The following CDC45 variants were observed in gnomAD, a reference collection of about 807,000 sequenced individuals.
The protein encoded by CDC45 is cell division control protein 45 homolog.
Under a neutral mutation model 77.8 loss-of-function variants are expected in CDC45, and 54 were observed. The observed-to-expected ratio is 0.69, with a 90% CI of 0.56 to 0.87. The LOEUF is 0.87. Among genes scored for constraint, CDC45 ranks in the 40% least tolerant of loss-of-function variants. The pLI, the probability that CDC45 is intolerant of heterozygous loss-of-function variation, is 0.00. For synonymous variants in CDC45, 260 were observed against 272.1 expected, an observed-to-expected ratio of 0.96 and a Z score of 0.44; for missense variants, 649 against 721.6, an observed-to-expected ratio of 0.90 and a Z score of 1.15.
intron 5 of CDC45, among the ~76,000 whole-genome samples, chr22:19,493,559 T>G (rs2090190028): frequency 6.6e-6 from 1 of 152,166 alleles, no homozygotes; most frequent in Admixed American, 6.5e-5. Flanking sequence ...GTTTTCCTCC[T>G]CAGCCTCCCA....
chr22:19,510,597 C>T (rs541337265), intron 13 of CDC45, among the ~76,000 whole-genome samples: 5 of 152,168 alleles, frequency 3.3e-5, no homozygotes, highest in South Asian at 2.1e-4. Flanking sequence ...GGCACGCTCT[C>T]GGCTCACTGC....
At chr22:19,499,675 C>T (rs1361831197) in intron 9 of CDC45, among the ~76,000 whole-genome samples, 1 of 152,318 alleles carries the variant, frequency 6.6e-6, no homozygotes, top group Admixed American at 6.5e-5. Flanking sequence ...TGACGGTGAG[C>T]TGCAAGGCTG....
rs1568937772 is a variant in CDC45 at position 19,516,530 on chromosome 22, A to G, written c.1444A>G (p.Lys482Glu). The change falls in exon 16 of 19, where the codon AAG becomes GAG. Residue 482 changes from lysine to glutamate, a missense_variant. Physicochemically the swap from Lys to Glu is moderately conservative, Grantham distance 56. Transcript: ENST00000263201. ...HLLKSFVCST[K>E]NRRCKLLPLV... ...AGGGTGCTCTCCGACTCCATAGACA[A>G]AGAACCGGCGCTGCAAACTGCTGCC... The G allele has an allele frequency of 1.2e-6, 2 of 1,613,154 alleles. No individual in the cohort carries two copies. Among genetic ancestry groups the G allele is most frequent in the Admixed American group, 1.7e-5 (1 of 59,998 alleles).
Position 19,511,963 on chromosome 22 carries a change from T to G in CDC45, c.1218-2786T>G, listed in dbSNP as rs561100362. Among the ~76,000 whole-genome samples the G allele has an allele frequency of 1.2e-4, 18 of 147,852 alleles. No homozygotes were observed. In the South Asian group the frequency reaches 3.7e-3, roughly 31 times the overall value. ...TGAGACAGGGTCTTACTCTGTCACT[T>G]AAGCTGGCATGCAGTGGCATGATTT... On this transcript the variant is annotated intron_variant, in intron 13 of 18. Transcript: ENST00000263201.
Position 19,507,395 on chromosome 22 carries a change from G to T in CDC45, c.834G>T (p.Leu278=). The T allele has an allele frequency of 6.2e-7, 1 of 1,613,946 alleles. No individual in the cohort carries two copies. Among genetic ancestry groups the T allele is most frequent in the South Asian group, 1.1e-5 (1 of 91,086 alleles). ...TTGACTGCAGGCCCAGCCTCCGCCT[G>T]GTGCTCTACCAGCACTGGTCCCTCC... ...TRISFEYDLR[L]VLYQHWSLHD... is the part of the protein sequence containing the mutation. The change falls in exon 11 of 19, where the codon CTG becomes CTT. Residue 278 remains leucine, a synonymous_variant. Transcript: ENST00000263201.
intron 5 of CDC45, among the ~76,000 whole-genome samples, chr22:19,486,636 A>C (rs1169632627): frequency 1.3e-5 from 2 of 152,176 alleles, no homozygotes; most frequent in East Asian, 3.9e-4. Flanking sequence ...CTTTTTATAT[A>C]ATTAAAACCT....
chr22:19,497,295 G>C, intron 7 of CDC45, 91 bp from the exon 8 acceptor site: 1 of 1,178,754 alleles, frequency 8.5e-7, no homozygotes, highest in Non-Finnish European at 1.3e-6. Flanking sequence ...GGTTTGCCAG[G>C]GCCCTTCTGG....
intron 4 of CDC45, 32 bp from the exon 5 acceptor site, chr22:19,483,830 A>G: frequency 1.9e-6 from 3 of 1,595,930 alleles, no homozygotes; most frequent in Non-Finnish European, 2.6e-6. Flanking sequence ...TAGAAAGAGG[A>G]GAGGCTTAAT....
chr22:19,484,965 GTC>G (rs2090043500), intron 5 of CDC45, among the ~76,000 whole-genome samples: 1 of 151,714 alleles, frequency 6.6e-6, no homozygotes, highest in African/African-American at 2.4e-5. Context: ...CCCAGACGGG[GTC>G]TCTCTCTGTT....
chr22:19,503,609 A>G (rs1456927607), intron 9 of CDC45, among the ~76,000 whole-genome samples: 1 of 152,164 alleles, frequency 6.6e-6, no homozygotes, highest in East Asian at 1.9e-4. Context: ...AACCTACATA[A>G]CAAGACAAAG....
chr22:19,483,930 A>G lies in CDC45; in HGVS notation c.411A>G (p.Glu137=), dbSNP rs750251566. 6.2e-7 allele frequency: 1 copy of G among 1,613,896 alleles called. No homozygotes were observed. The highest frequency in any genetic ancestry group is 1.1e-5 in the South Asian group (1 of 91,020). The change falls in exon 5 of 19, where the codon GAA becomes GAG. Residue 137 remains glutamate (E), a synonymous_variant. Coordinates refer to ENST00000263201, the MANE Select transcript of CDC45 (RefSeq NM_003504.5). The part of the protein sequence containing the change: ...VPAYEDIFRD[E]EEDEEHSGND... The stretch of plus-strand genomic sequence containing the variant: ...CCTATGAAGACATCTTCAGGGATGA[A>G]GAGGAGGATGAAGAGCATTCAGGAA...
At chr22:19,489,063 C>T (rs1287444766) in intron 5 of CDC45, among the ~76,000 whole-genome samples, 3 of 152,098 alleles carry the variant, frequency 2.0e-5, no homozygotes, top group African/African-American at 7.2e-5. Flanking sequence ...ATGGTCCCAG[C>T]TACTTGGGAG....
At chr22:19,486,192 C>T (rs2090064043) in intron 5 of CDC45, among the ~76,000 whole-genome samples, 3 of 152,062 alleles carry the variant, frequency 2.0e-5, no homozygotes, top group Admixed American at 2.0e-4. Context: ...CAGCCAGAAA[C>T]CATGATATTC....
At chr22:19,479,804 G>A (rs552142667), upstream of CDC45, 78 of 715,678 alleles carry the variant, frequency 1.1e-4, 1 homozygote, top group African/African-American at 1.3e-3. Flanking sequence ...GCTAATGGCC[G>A]CCTCCAATGT....
At chr22:19,516,268 G>A (rs1933781244) in intron 15 of CDC45, among the ~76,000 whole-genome samples, 5 of 152,116 alleles carry the variant, frequency 3.3e-5, no homozygotes, top group Admixed American at 2.0e-4. Context: ...AAGGAGGCTC[G>A]GGGACACAGC....
intron 9 of CDC45, chr22:19,505,149 G>A (rs975153312): frequency 2.1e-5 from 12 of 576,912 alleles, no homozygotes; most frequent in Non-Finnish European, 3.4e-5. Flanking sequence ...AGGTGGACAA[G>A]GCTAGAGACC....
chr22:19,498,905 G>A (rs1157979125), intron 8 of CDC45, among the ~76,000 whole-genome samples, 196 bp from the exon 9 acceptor site: 1 of 152,178 alleles, frequency 6.6e-6, no homozygotes, highest in African/African-American at 2.4e-5. Context: ...GCACTGCAAG[G>A]CCCCAATTAC....
chr22:19,518,969 T>A, intron 18 of CDC45, 60 bp downstream of exon 18: 3 of 1,233,684 alleles, frequency 2.4e-6, no homozygotes. Context: ...CCGACCCTGA[T>A]GCCCTGCTCT....
rs566085349 is a variant in CDC45 at position 19,519,205 on chromosome 22, T to C, written c.*1+296T>C. Among the ~76,000 whole-genome samples, 44 of 152,278 alleles carry C rather than the reference T, an allele frequency of 2.9e-4. No homozygotes were observed. In the Middle Eastern group the frequency reaches 0.014, roughly 47 times the overall value. Reference sequence around the variant, plus strand: ...TGGGCTGGGCATCGCGTGTGACACATGTCACACACAGACTCCCTGGTGCTG... The same window carrying C: ...TGGGCTGGGCATCGCGTGTGACACACGTCACACACAGACTCCCTGGTGCTG... On this transcript the variant is annotated intron_variant, in intron 18 of 18. Coordinates refer to ENST00000263201, the MANE Select transcript of CDC45 (RefSeq NM_003504.5).
Sources: allele counts gnomAD v4.1 joint callset (sites outside exome capture counted in the v4.1 genomes callset), GRCh38; gene constraint gnomAD v4.1.1; transcripts MANE v1.5; gene names NCBI Gene and HGNC (gene_info 2026-07-23, HGNC 2026-07-21).